The following DPP6 variants were observed in gnomAD, a reference collection of about 807,000 sequenced individuals.
DPP6 encodes A-type potassium channel modulatory protein DPP6.
In DPP6, 69 loss-of-function variants were observed where a neutral mutation model predicts 122.6. The observed-to-expected ratio is 0.56, with a 90% CI of 0.46 to 0.69. The LOEUF is 0.69. Ranked by LOEUF, DPP6 falls within the 30% of genes least tolerant of loss-of-function variation. The pLI is 0.00. For missense variants in DPP6, 928 were observed against 1,116.9 expected (o/e 0.83, Z 2.41); for synonymous variants, 418 against 433.1 (o/e 0.97, Z 0.43).
At chr7:154,546,571 T>A (rs1416490454) in intron 4 of DPP6, among the ~76,000 whole-genome samples, 1 of 152,220 alleles carries the variant, frequency 6.6e-6, no homozygotes, top group African/African-American at 2.4e-5. Flanking sequence ...TACTAATTTC[T>A]TTGTTTTAAT....
intron 23 of DPP6, among the ~76,000 whole-genome samples, chr7:154,888,944 C>T (rs764363309): frequency 6.6e-6 from 1 of 152,146 alleles, no homozygotes; most frequent in Non-Finnish European, 1.5e-5. Context: ...CATCAGCTCT[C>T]GTGAGATTTA....
intron 10 of DPP6, among the ~76,000 whole-genome samples, chr7:154,777,601 C>T (rs1162629905): frequency 6.6e-6 from 1 of 152,196 alleles, no homozygotes; most frequent in Non-Finnish European, 1.5e-5. Context: ...TCCGGCCTTT[C>T]CCGAGCAGTT....
At chr7:154,165,692 T>C (rs544859663) in intron 1 of DPP6, among the ~76,000 whole-genome samples, 37 of 152,252 alleles carry the variant, frequency 2.4e-4, no homozygotes, top group African/African-American at 8.4e-4. Flanking sequence ...TTTTAATGAC[T>C]GCCATTCTAA....
intron 1 of DPP6, among the ~76,000 whole-genome samples, chr7:154,286,415 C>T (rs1804854118): frequency 6.6e-6 from 1 of 152,158 alleles, no homozygotes; most frequent in Admixed American, 6.5e-5. Context: ...ATGGGACATT[C>T]AGACCAGAGA....
intron 1 of DPP6, among the ~76,000 whole-genome samples, chr7:154,180,547 G>A (rs879515886): frequency 6.8e-5 from 9 of 132,670 alleles, no homozygotes; most frequent in Admixed American, 1.6e-4. Flanking sequence ...ATATGTTTAC[G>A]TATATATTTA....
intron 3 of DPP6, among the ~76,000 whole-genome samples, chr7:154,509,356 A>T (rs1169313821): frequency 6.6e-6 from 1 of 152,248 alleles, no homozygotes; most frequent in African/African-American, 2.4e-5. Context: ...AGATTTACAA[A>T]TAGCAATATG....
chr7:153,754,240 T>G, the DPP6 span, among the ~76,000 whole-genome samples: 109,718 of 149,542 alleles, frequency 0.73, 39,780 homozygotes, highest in Admixed American at 0.77. Context: ...GCATTTTTTT[T>G]TGTGTGTGAA....
At chr7:153,769,866 C>A in the DPP6 span, among the ~76,000 whole-genome samples, 2 of 152,226 alleles carry the variant, frequency 1.3e-5, no homozygotes, top group South Asian at 4.2e-4. Context: ...TCAAGTCAGA[C>A]GTCAATAGGC....
chr7:153,756,674 C>T, the DPP6 span, among the ~76,000 whole-genome samples: 9 of 151,952 alleles, frequency 5.9e-5, no homozygotes, highest in East Asian at 3.9e-4. Context: ...AAAGAGTACC[C>T]GTGTAAATAT....
intron 16 of DPP6, among the ~76,000 whole-genome samples, chr7:154,837,861 T>A (rs1303304189): frequency 6.6e-6 from 1 of 152,250 alleles, no homozygotes; most frequent in Admixed American, 6.5e-5. Flanking sequence ...TCTAGAACAA[T>A]GATTAGCCAA....
chr7:154,190,239 G>T (rs990691375), intron 1 of DPP6, among the ~76,000 whole-genome samples: 1 of 152,174 alleles, frequency 6.6e-6, no homozygotes, highest in African/African-American at 2.4e-5. Flanking sequence ...GAATGGCGCT[G>T]CCAGGAAACC....
chr7:154,401,080 C>T (rs780085417), intron 1 of DPP6, among the ~76,000 whole-genome samples: 1 of 151,968 alleles, frequency 6.6e-6, no homozygotes, highest in Non-Finnish European at 1.5e-5. Flanking sequence ...ACCTGTAATC[C>T]CAGCTACTCG....
At chr7:154,652,496 G>T (rs1321090622) in intron 6 of DPP6, among the ~76,000 whole-genome samples, 8 of 151,286 alleles carry the variant, frequency 5.3e-5, no homozygotes, top group Non-Finnish European at 1.5e-5. Context: ...GATAATAGAT[G>T]CAGCTCTCTG....
intron 22 of DPP6, among the ~76,000 whole-genome samples, chr7:154,886,230 G>A (rs1185109447): frequency 2.0e-5 from 3 of 152,212 alleles, no homozygotes; most frequent in Non-Finnish European, 2.9e-5. Context: ...ATTCAACGAG[G>A]TCCACGTGGC....
intron 1 of DPP6, among the ~76,000 whole-genome samples, chr7:154,218,239 G>A (rs1449928786): frequency 6.6e-6 from 1 of 152,106 alleles, no homozygotes; most frequent in Non-Finnish European, 1.5e-5. Context: ...GAAGTGCCAG[G>A]ATCACTAGAA....
intron 1 of DPP6, among the ~76,000 whole-genome samples, chr7:153,976,451 G>A (rs1279486590): frequency 6.6e-6 from 1 of 152,210 alleles, no homozygotes; most frequent in African/African-American, 2.4e-5. Context: ...TGGTGTTTCA[G>A]TCTTATTATC....
At chr7:154,470,673 G>C (rs950121880) in intron 2 of DPP6, among the ~76,000 whole-genome samples, 2 of 152,184 alleles carry the variant, frequency 1.3e-5, no homozygotes, top group African/African-American at 2.4e-5. Context: ...CATCACTGCA[G>C]ATTTCAGCAT....
At chr7:153,970,961 A>T (rs1358329140) in intron 1 of DPP6, among the ~76,000 whole-genome samples, 2 of 152,174 alleles carry the variant, frequency 1.3e-5, no homozygotes, top group Non-Finnish European at 2.9e-5. Context: ...TGTTTTGGCT[A>T]TTCTAGATTA....
intron 1 of DPP6, among the ~76,000 whole-genome samples, chr7:154,169,068 C>T (rs1797401300): frequency 1.4e-5 from 2 of 146,654 alleles, no homozygotes; most frequent in South Asian, 4.5e-4. Flanking sequence ...GCAGCTGAGA[C>T]CCTACCCATA....
Sources: gnomAD v4.1 joint callset for allele counts (sites outside exome capture counted in the v4.1 genomes callset) on GRCh38, gnomAD v4.1.1 for gene constraint, MANE v1.5 for transcripts, NCBI Gene and HGNC (gene_info 2026-07-23, HGNC 2026-07-21) for gene names.